Variants in DGUOK observed in about 807,000 individuals in gnomAD.
The protein encoded by DGUOK is deoxyguanosine kinase, mitochondrial.
Under a neutral mutation model 36.6 loss-of-function variants are expected in DGUOK, and 30 were observed. The ratio of observed to expected loss-of-function variants is 0.82; its 90% CI spans 0.61 to 1.11. The LOEUF (loss-of-function observed/expected upper bound fraction) is 1.11, where lower values mean the gene tolerates loss of function less well. DGUOK is among the 50% of genes most tolerant of loss of function. The pLI is 0.00. For missense variants in DGUOK, 361 were observed against 336.4 expected (o/e 1.07, Z -0.57); for synonymous variants, 145 against 126.3 (o/e 1.15, Z -0.99).
At chr2:73,946,660 A>G (rs1682329669) in intron 2 of DGUOK, 59 bp from the exon 3 acceptor site, 7 of 1,479,036 alleles carry the variant, frequency 4.7e-6, no homozygotes, top group Non-Finnish European at 6.6e-6. Context: ...GGAGGGGTGT[A>G]CCCCATGGAG....
chr2:73,950,939 A>G (rs1030107813), intron 4 of DGUOK, among the ~76,000 whole-genome samples: 4 of 152,152 alleles, frequency 2.6e-5, no homozygotes, highest in Non-Finnish European at 5.9e-5. Flanking sequence ...GCCATTGACT[A>G]TGCATAAAAG....
chr2:73,943,042 T>G (rs1367611529), intron 2 of DGUOK, among the ~76,000 whole-genome samples: 1 of 152,252 alleles, frequency 6.6e-6, no homozygotes, highest in Non-Finnish European at 1.5e-5. Context: ...TTGGTCATGA[T>G]GTACTATTCC....
chr2:73,952,422 C>CA (rs1012559057), intron 4 of DGUOK, among the ~76,000 whole-genome samples: 4 of 152,140 alleles, frequency 2.6e-5, no homozygotes, highest in African/African-American at 4.8e-5. Flanking sequence ...TTTGAAGTGT[C>CA]AAAGTGTAGG....
chr2:73,934,456 G>A (rs1410511857), intron 1 of DGUOK, among the ~76,000 whole-genome samples: 1 of 152,138 alleles, frequency 6.6e-6, no homozygotes. Context: ...AATACTGAGA[G>A]TATATTGAAA....
At chr2:73,928,231 G>A (rs1680753831) in intron 1 of DGUOK, among the ~76,000 whole-genome samples, 1 of 152,124 alleles carries the variant, frequency 6.6e-6, no homozygotes, top group African/African-American at 2.4e-5. Context: ...TGGTTCAAGC[G>A]ATTCTCCTGC....
chr2:73,927,753 TAGTC>T (rs1051404778), intron 1 of DGUOK, among the ~76,000 whole-genome samples: 3 of 152,244 alleles, frequency 2.0e-5, no homozygotes, highest in African/African-American at 4.8e-5. Flanking sequence ...GAATAAAAAG[TAGTC>T]AGAAAGCAAA....
At chr2:73,948,290 A>G (rs1682476767) in intron 3 of DGUOK, among the ~76,000 whole-genome samples, 1 of 152,072 alleles carries the variant, frequency 6.6e-6, no homozygotes. Flanking sequence ...TGAGACCCTC[A>G]GAGGAAAATA....
chr2:73,953,290 A>ATCGTCG (rs70965773), intron 4 of DGUOK, among the ~76,000 whole-genome samples: 13 of 140,814 alleles, frequency 9.2e-5, no homozygotes, highest in Non-Finnish European at 1.1e-4. Flanking sequence ...CATCATCATC[A>ATCGTCG]TCGTCGTCGT....
Position 73,927,065 on chromosome 2 carries a change from A to C in DGUOK, c.142+13A>C. 3 of 1,606,340 alleles carry C rather than the reference A, an allele frequency of 1.9e-6. No individual in the cohort carries two copies. The highest frequency in any genetic ancestry group is 2.5e-6 in the Non-Finnish European group (3 of 1,179,930). On this transcript the variant is annotated intron_variant, in intron 1 of 6. Transcript: ENST00000264093. ...GAAGGCAACATTGGTAAGGGCCGGA[A>C]AGCGGCTGCCAAGCCTTGGCCTCCG...
chr2:73,940,606 A>T (rs1306640738), intron 2 of DGUOK, among the ~76,000 whole-genome samples: 1 of 152,246 alleles, frequency 6.6e-6, no homozygotes, highest in African/African-American at 2.4e-5. Context: ...ATTTCAAAAT[A>T]CAGTCATGGG....
intron 1 of DGUOK, among the ~76,000 whole-genome samples, chr2:73,934,138 A>C (rs1301096450): frequency 6.6e-6 from 1 of 152,172 alleles, no homozygotes; most frequent in Non-Finnish European, 1.5e-5. Context: ...ATCATATGCT[A>C]TCTTGCTGCT....
At chr2:73,946,091 C>T (rs1682284758) in intron 2 of DGUOK, among the ~76,000 whole-genome samples, 1 of 151,320 alleles carries the variant, frequency 6.6e-6, no homozygotes, top group Admixed American at 6.6e-5. Flanking sequence ...TGCTGAACAT[C>T]CCACACTTGT....
At chr2:73,958,636 A>G (rs895793991) in intron 6 of DGUOK, 74 bp from the exon 7 acceptor site, 15 of 1,282,496 alleles carry the variant, frequency 1.2e-5, no homozygotes, top group Admixed American at 8.4e-5. Flanking sequence ...TTGGCTGCAT[A>G]TGCATTGGGG....
At chr2:73,957,977 C>T (rs186609216) in intron 5 of DGUOK, 169 bp from the exon 6 acceptor site, 31 of 568,058 alleles carry the variant, frequency 5.5e-5, no homozygotes, top group African/African-American at 1.1e-4. Flanking sequence ...TTTCTGTTTC[C>T]GGCCAACTTT....
chr2:73,952,926 A>G (rs756987747), intron 4 of DGUOK, among the ~76,000 whole-genome samples: 2 of 152,106 alleles, frequency 1.3e-5, no homozygotes, highest in Non-Finnish European at 1.5e-5. Flanking sequence ...AGTTATGGAG[A>G]CTGGGAAGTC....
In DGUOK at chr2:73,957,129, G is replaced by C; in HGVS notation, c.596G>C (p.Cys199Ser). ...GGCTTGGGGACTGTCTTTTAGGTTT[G>C]TTTGAAGAGACTGTACCAGAGGGCC... ...FIYLQASPQV[C>S]LKRLYQRARE... The change falls in exon 5 of 7, where the codon TGT (cysteine) becomes TCT (serine). Residue 199 changes from cysteine (C) to serine (S), a missense_variant. By Grantham distance (112) the Cys-to-Ser change is moderately radical (BLOSUM62 -1). Coordinates refer to ENST00000264093, the MANE Select transcript of DGUOK (RefSeq NM_080916.3). 6.2e-7 allele frequency: 1 copy of C among 1,613,376 alleles called. No individual in the cohort carries two copies. The highest frequency in any genetic ancestry group is 8.5e-7 in the Non-Finnish European group (1 of 1,179,426).
intron 2 of DGUOK, among the ~76,000 whole-genome samples, chr2:73,941,664 T>C (rs1324710746): frequency 6.6e-6 from 1 of 152,164 alleles, no homozygotes; most frequent in Non-Finnish European, 1.5e-5. Flanking sequence ...CTATTTTGAA[T>C]GTTTAGTTTT....
intron 2 of DGUOK, among the ~76,000 whole-genome samples, chr2:73,941,964 A>G (rs1354315348): frequency 2.7e-5 from 4 of 146,892 alleles, no homozygotes; most frequent in African/African-American, 1.0e-4. Flanking sequence ...GCTGGAGTCC[A>G]GTGGTGTGAT....
intron 5 of DGUOK, 132 bp downstream of exon 5, chr2:73,957,372 C>G (rs1573582731): frequency 2.7e-6 from 2 of 743,418 alleles, no homozygotes; most frequent in South Asian, 3.0e-5. Flanking sequence ...AAATGTCAAG[C>G]ATTTTCCAAC....
Sources: allele counts gnomAD v4.1 joint callset (sites outside exome capture counted in the v4.1 genomes callset), GRCh38; gene constraint gnomAD v4.1.1; transcripts MANE v1.5; gene names NCBI Gene and HGNC (gene_info 2026-07-23, HGNC 2026-07-21).